The following TPX2 variants were observed in gnomAD, a reference collection of about 807,000 sequenced individuals.
TPX2 encodes the protein targeting protein for Xklp2.
In TPX2, 21 loss-of-function variants were observed where a neutral mutation model predicts 93.6. That is an observed-to-expected ratio of 0.22 (90% confidence interval 0.16 to 0.32). The LOEUF is 0.32. Among genes scored for constraint, TPX2 ranks in the 10% least tolerant of loss-of-function variants. The pLI is 1.00. For synonymous variants in TPX2, 281 were observed against 298.3 expected (o/e 0.94, Z 0.60); for missense variants, 776 against 871.1 (o/e 0.89, Z 1.37).
chr20:31,769,405 G>A (rs2061950050), intron 5 of TPX2, among the ~76,000 whole-genome samples: 1 of 148,074 alleles, frequency 6.8e-6, no homozygotes, highest in Non-Finnish European at 1.5e-5. Context: ...TGCAAGCTCC[G>A]CCTCCCGGGT....
intron 5 of TPX2, among the ~76,000 whole-genome samples, chr20:31,768,022 C>T (rs1222576659): frequency 6.6e-6 from 1 of 151,724 alleles, no homozygotes; most frequent in Non-Finnish European, 1.5e-5. Flanking sequence ...GCCTCGACCT[C>T]TCAGGTGTAA....
At chr20:31,744,159 C>CTTTTTTTT (rs11465034) in intron 2 of TPX2, among the ~76,000 whole-genome samples, 1 of 112,270 alleles carries the variant, frequency 8.9e-6, no homozygotes, top group Non-Finnish European at 1.8e-5. Context: ...ATTTTTTTAA[C>CTTTTTTTT]TTTTTTTTTT....
In TPX2 at chr20:31,766,454, G is replaced by GGTGTGTGT. The variant is rs35700111; in HGVS notation, c.230-67_230-60dup. 4.2e-3 allele frequency: 3,023 copies of GGTGTGTGT among 720,444 alleles called. 56 individuals are homozygous for GGTGTGTGT. The African/African-American group carries it at 0.044, about 10-fold the overall frequency. The allele number at this position is 720,444 out of a possible 1,614,324, so 44.6% of individuals were successfully genotyped here. A position where few individuals can be genotyped will look rare whatever the true frequency, so the allele number is the denominator to read the frequency against. ...ACTAAGGTTTCTGTGGCTTAGACAG[G>GGTGTGTGT]GTGTGTGTGTGTGTGTGTGTGTGTG... On this transcript the variant is annotated intron_variant, in intron 4 of 17. Coordinates refer to ENST00000300403, the MANE Select transcript of TPX2 (RefSeq NM_012112.5).
intron 3 of TPX2, 104 bp from the exon 4 acceptor site, chr20:31,759,953 T>C: frequency 2.0e-6 from 3 of 1,475,210 alleles, no homozygotes; most frequent in Non-Finnish European, 2.7e-6. Context: ...CCACATGAGT[T>C]GGAAGTGTAC....
chr20:31,753,689 G>C (rs1030803112), intron 2 of TPX2, among the ~76,000 whole-genome samples: 14 of 152,208 alleles, frequency 9.2e-5, no homozygotes, highest in African/African-American at 3.4e-4. Flanking sequence ...ATGTTCTCTG[G>C]GGTCTAGATT....
intron 3 of TPX2, among the ~76,000 whole-genome samples, chr20:31,758,119 AT>A (rs35354345): frequency 0.013 from 1,515 of 115,232 alleles, 16 homozygotes; most frequent in African/African-American, 0.034. Context: ...CCCTCAATTC[AT>A]TTTTTTTTTT....
intron 2 of TPX2, among the ~76,000 whole-genome samples, chr20:31,751,863 C>T (rs1460765203): frequency 6.6e-6 from 1 of 152,318 alleles, no homozygotes; most frequent in South Asian, 2.1e-4. Flanking sequence ...CTGCCTCAGC[C>T]TCCCGAGTAG....
intron 15 of TPX2, among the ~76,000 whole-genome samples, chr20:31,795,552 A>T (rs1356240064): frequency 6.6e-6 from 1 of 152,246 alleles, no homozygotes; most frequent in African/African-American, 2.4e-5. Context: ...ATCACCTGGG[A>T]ATGTCCCCTG....
intron 12 of TPX2, among the ~76,000 whole-genome samples, chr20:31,791,137 G>C (rs965385187): frequency 7.9e-5 from 12 of 152,052 alleles, no homozygotes; most frequent in African/African-American, 2.4e-4. Flanking sequence ...GAGGTAAGGC[G>C]GGAGAGTCAG....
intron 2 of TPX2, among the ~76,000 whole-genome samples, chr20:31,749,680 A>G (rs2061806651): frequency 1.3e-5 from 2 of 151,934 alleles, no homozygotes; most frequent in East Asian, 2.0e-4. Flanking sequence ...CTGTAATCCC[A>G]GCTACTCAGG....
chr20:31,794,419 A>G lies in TPX2; in HGVS notation c.1704A>G (p.Ala568=). 1 of 1,614,068 alleles carries G rather than the reference A, an allele frequency of 6.2e-7. No individual in the cohort carries two copies. Among genetic ancestry groups the G allele is most frequent in the Non-Finnish European group, 8.5e-7 (1 of 1,180,006 alleles). The part of the protein sequence containing the change: ...LQKGEVPKFK[A]LPLPHFDTIN... ...TCTGTTAGGTGCCCAAGTTCAAGGC[A>G]CTTCCCTTGCCTCATTTTGACACCA... is the stretch of plus-strand genomic sequence containing the variant. The change falls in exon 15 of 18, where the codon GCA becomes GCG. Residue 568 remains alanine (A), a synonymous_variant. Transcript: ENST00000300403.
At chr20:31,745,518 G>A (rs1395422750) in intron 2 of TPX2, among the ~76,000 whole-genome samples, 1 of 152,026 alleles carries the variant, frequency 6.6e-6, no homozygotes, top group African/African-American at 2.4e-5. Flanking sequence ...ATTAGAGATG[G>A]GGTTTTGCCA....
At chr20:31,781,296 G>A (rs931468780) in intron 10 of TPX2, among the ~76,000 whole-genome samples, 10 of 127,656 alleles carry the variant, frequency 7.8e-5, no homozygotes, top group Non-Finnish European at 1.1e-4. Context: ...TCGCTCTGTC[G>A]CCTAGGCCAG....
chr20:31,771,766 G>A (rs2061965893), intron 7 of TPX2, 84 bp downstream of exon 7: 1 of 1,496,654 alleles, frequency 6.7e-7, no homozygotes, highest in African/African-American at 1.4e-5. Context: ...GGTGTACCTG[G>A]AGGTTGGCAA....
intron 4 of TPX2, among the ~76,000 whole-genome samples, chr20:31,761,353 C>T (rs2061889555): frequency 6.6e-6 from 1 of 152,026 alleles, no homozygotes; most frequent in Admixed American, 6.6e-5. Flanking sequence ...AGGCGCCCAC[C>T]AGCATGCCCG....
intron 5 of TPX2, among the ~76,000 whole-genome samples, chr20:31,770,100 A>C (rs2061955622): frequency 6.6e-6 from 1 of 152,156 alleles, no homozygotes. Context: ...AGGCCCAGCC[A>C]AGTTTTTCTT....
chr20:31,765,767 A>C (rs1005833936), intron 4 of TPX2, among the ~76,000 whole-genome samples: 2 of 152,210 alleles, frequency 1.3e-5, no homozygotes, highest in African/African-American at 4.8e-5. Context: ...ACAACCCCTG[A>C]GCCACATAAA....
rs2062171775 is a variant in TPX2 at position 31,801,460 on chromosome 20, A to C, written c.*380A>C. ...CACCCTCTCCCCACTTTTTTTAAAA[A>C]TTTTAACCAGAAAATAAAGATAGTT... On this transcript the variant is annotated 3_prime_UTR_variant, in exon 18 of 18. Transcript: ENST00000300403. The C allele has an allele frequency of 6.2e-6, 1 of 162,546 alleles. No homozygotes were observed. The highest frequency in any genetic ancestry group is 1.3e-5 in the Non-Finnish European group (1 of 74,948). 10.1% of individuals were successfully genotyped at this position (162,546 alleles called of 1,614,324 possible). A position where few individuals can be genotyped will look rare whatever the true frequency, so the allele number is the denominator to read the frequency against.
intron 5 of TPX2, 78 bp downstream of exon 5, chr20:31,766,760 G>A: frequency 2.4e-6 from 3 of 1,244,276 alleles, no homozygotes; most frequent in Admixed American, 2.3e-5. Context: ...CATCTATTAT[G>A]TGTCTATACT....
Sources: allele counts gnomAD v4.1 joint callset (sites outside exome capture counted in the v4.1 genomes callset), GRCh38; gene constraint gnomAD v4.1.1; transcripts MANE v1.5; gene names NCBI Gene and HGNC (gene_info 2026-07-23, HGNC 2026-07-21).